HABP2: variants seen among roughly 807,000 people sequenced by gnomAD.
HABP2 encodes factor VII-activating protease.
Under a neutral mutation model 66.5 loss-of-function variants are expected in HABP2, and 65 were observed. That is an observed-to-expected ratio of 0.98 (90% CI 0.80 to 1.20). HABP2 has a LOEUF of 1.20. Among genes scored for constraint, HABP2 ranks in the 50% most tolerant of loss-of-function variants. The probability of loss-of-function intolerance (pLI) is 0.00; values close to 1 mark genes in which losing one functional copy is unlikely to be tolerated. For missense variants in HABP2, 786 were observed against 691.0 expected (o/e 1.14, Z -1.54); for synonymous variants, 263 against 253.9 (o/e 1.04, Z -0.34).
rs1283196780 is a variant in HABP2, at chr10:113,576,144, G to A, written c.331+140G>A. On this transcript the variant is annotated intron_variant, in intron 4 of 12. Transcript: ENST00000351270. ...TCATGCATAGTGTATTCCTCTGCAG[G>A]GTCCCAGGCAGCCTCTCACTGGATC... is the stretch of plus-strand genomic sequence containing the variant. 6.6e-6 allele frequency: 4 copies of A among 609,250 alleles called. No homozygotes were observed. In the Admixed American group the frequency reaches 1.1e-4, roughly 17 times the overall value. The allele number at this position is 609,250 out of a possible 1,614,324, so 37.7% of individuals were successfully genotyped here. A position where few individuals can be genotyped will look rare whatever the true frequency, so the allele number is the denominator to read the frequency against.
intron 10 of HABP2, 118 bp from the exon 11 acceptor site, chr10:113,584,030 A>C: frequency 4.0e-6 from 3 of 749,220 alleles, no homozygotes; most frequent in Non-Finnish European, 6.8e-6. Context: ...GAAGATTTTC[A>C]GGCATGGTGG....
At chr10:113,572,634 T>C (rs1024514445) in intron 2 of HABP2, 3 of 423,616 alleles carry the variant, frequency 7.1e-6, no homozygotes, top group Non-Finnish European at 1.4e-5. Flanking sequence ...ATTTTCTCCC[T>C]CTCTTTCTCT....
chr10:113,577,041 A>G, intron 4 of HABP2, 109 bp from the exon 5 acceptor site: 1 of 722,238 alleles, frequency 1.4e-6, no homozygotes, highest in East Asian at 2.5e-5. Context: ...GACCACGGAC[A>G]AGGCTACAGA....
At position 113,580,576 on chromosome 10, in the gene HABP2, G is replaced by T; in HGVS notation, c.741-19G>T. The stretch of plus-strand genomic sequence containing the variant: ...GTTCATCAAGCCTTGACTCTGAGTT[G>T]TTTTGTTTTGTATTTTAGAAACCCA... On this transcript the variant is annotated intron_variant, in intron 7 of 12. Coordinates refer to ENST00000351270, the MANE Select transcript of HABP2 (RefSeq NM_004132.5). 6 of 1,315,436 alleles carry T rather than the reference G, an allele frequency of 4.6e-6. No individual in the cohort carries two copies. The highest frequency in any genetic ancestry group is 5.5e-6 in the Non-Finnish European group (5 of 907,194). 81.5% of individuals were successfully genotyped at this position (1,315,436 alleles called of 1,614,324 possible). A position where few individuals can be genotyped will look rare whatever the true frequency, so the allele number is the denominator to read the frequency against.
At position 113,585,222 on chromosome 10, in the gene HABP2, T is replaced by C. The variant is rs572177221; in HGVS notation, c.1373-571T>C. ...TTGTCAACCTCTATTCTGCTCAATA[T>C]GGTCTGGTCAGCATGGTGATGTCTC... is the stretch of plus-strand genomic sequence containing the variant. On this transcript the variant is annotated intron_variant, in intron 11 of 12. Transcript: ENST00000351270. Among the ~76,000 whole-genome samples the C allele has an allele frequency of 4.0e-4, 61 of 152,242 alleles. 1 individual carries two copies. Among genetic ancestry groups the C allele is most frequent in the Non-Finnish European group, 5.0e-4 (34 of 68,040 alleles).
intron 1 of HABP2, among the ~76,000 whole-genome samples, chr10:113,566,865 G>A (rs1845206460): frequency 6.6e-6 from 1 of 152,140 alleles, no homozygotes; most frequent in Non-Finnish European, 1.5e-5. Flanking sequence ...CTGAAGCTTA[G>A]TAAAGGGGCA....
intron 4 of HABP2, among the ~76,000 whole-genome samples, chr10:113,576,571 A>T (rs1456081785): frequency 1.3e-5 from 2 of 151,908 alleles, no homozygotes; most frequent in African/African-American, 2.4e-5. Flanking sequence ...CAGGAATAGG[A>T]CTCCTAGGGG....
intron 1 of HABP2, among the ~76,000 whole-genome samples, chr10:113,565,090 C>T (rs4918846): frequency 0.16 from 24,449 of 152,194 alleles, 2,829 homozygotes; most frequent in East Asian, 0.46. Flanking sequence ...GTGATCCACC[C>T]ACCTCGGCCT....
In HABP2 at chr10:113,581,777, T is replaced by G. The variant is rs1222961217; in HGVS notation, c.839-99T>G. The G allele has an allele frequency of 5.7e-6, 7 of 1,230,300 alleles. No homozygotes were observed. In the Admixed American group the frequency reaches 1.2e-4, roughly 21 times the overall value. The allele number at this position is 1,230,300 out of a possible 1,614,324, so 76.2% of individuals were successfully genotyped here. ...GTGCAGTCTCTCAGCTCTGGACCCC[T>G]GCTCAGCTGTTGGGCTCAGAGTCAT... On this transcript the variant is annotated intron_variant, in intron 8 of 12. Coordinates refer to ENST00000351270, the MANE Select transcript of HABP2 (RefSeq NM_004132.5).
chr10:113,570,633 A>C (rs1845289813), intron 2 of HABP2, among the ~76,000 whole-genome samples: 1 of 152,246 alleles, frequency 6.6e-6, no homozygotes, highest in Admixed American at 6.5e-5. Context: ...AGATCGCTAC[A>C]GAGCTCATCA....
chr10:113,568,663 A>G (rs982360478), intron 2 of HABP2, among the ~76,000 whole-genome samples: 1 of 152,134 alleles, frequency 6.6e-6, no homozygotes, highest in Non-Finnish European at 1.5e-5. Flanking sequence ...TGAACACACC[A>G]CCACCCACAC....
At chr10:113,565,873 T>C (rs1412044035) in intron 1 of HABP2, among the ~76,000 whole-genome samples, 2 of 152,224 alleles carry the variant, frequency 1.3e-5, no homozygotes, top group Non-Finnish European at 2.9e-5. Context: ...GCCCTGCAAT[T>C]TGAATCTCAC....
intron 8 of HABP2, among the ~76,000 whole-genome samples, chr10:113,581,187 T>C (rs1379414583): frequency 6.6e-6 from 1 of 152,248 alleles, no homozygotes; most frequent in African/African-American, 2.4e-5. Context: ...TATGTGCCTT[T>C]GATCTTATGG....
chr10:113,555,236 G>A (rs529794505), intron 1 of HABP2, among the ~76,000 whole-genome samples: 6 of 152,330 alleles, frequency 3.9e-5, no homozygotes, highest in African/African-American at 1.2e-4. Context: ...TTACAGAAAC[G>A]AAGCTGGAAA....
chr10:113,577,143 C>T lies in HABP2; in HGVS notation c.332-7C>T, dbSNP rs902348301. The T allele has an allele frequency of 9.3e-6, 14 of 1,509,520 alleles. No individual in the cohort carries two copies. In the African/African-American group the frequency reaches 1.9e-4, roughly 21 times the overall value. The allele number at this position is 1,509,520 out of a possible 1,614,324, so 93.5% of individuals were successfully genotyped here. On this transcript the variant is annotated splice_region_variant and splice_polypyrimidine_tract_variant and intron_variant, in intron 4 of 12. Coordinates refer to ENST00000351270, the MANE Select transcript of HABP2 (RefSeq NM_004132.5). ...AAATAATGTCTTATGTTATGGATCT[C>T]CTACAGTGCAAAATACGTGCAAGGA...
Position 113,582,019 on chromosome 10 carries a change from C to T in HABP2, c.982C>T (p.Gln328Ter), listed in dbSNP as rs761535821. 2.9e-5 allele frequency: 47 copies of T among 1,614,058 alleles called. No homozygotes were observed. The highest frequency in any genetic ancestry group is 3.9e-5 in the Non-Finnish European group (46 of 1,180,034). The change falls in exon 9 of 13, where the codon CAG becomes TAG. Residue 328 changes from glutamine to a stop codon, truncating the protein, a stop_gained. Transcript: ENST00000351270. LOFTEE classifies it high-confidence loss of function. ...GAGCACGGCGGGCAAGCACCCATGGCAGGCGTCCCTCCAGTCCTCGCTGCC... is the reference window on the plus strand; with the variant it reads ...GAGCACGGCGGGCAAGCACCCATGGTAGGCGTCCCTCCAGTCCTCGCTGCC... ...FKSTAGKHPW[Q>*]ASLQSSLPLT...
intron 7 of HABP2, among the ~76,000 whole-genome samples, chr10:113,580,153 G>T (rs1288679769): frequency 7.1e-6 from 1 of 141,696 alleles, no homozygotes; most frequent in East Asian, 2.4e-4. Context: ...CCTTTGTGGA[G>T]CTGTCTTCGG....
intron 11 of HABP2, among the ~76,000 whole-genome samples, chr10:113,585,482 C>T (rs754684341): frequency 6.6e-6 from 1 of 152,166 alleles, no homozygotes; most frequent in Non-Finnish European, 1.5e-5. Context: ...TGTGCCAGCC[C>T]TTTTGTTAGG....
At chr10:113,569,629 C>G (rs1845266971) in intron 2 of HABP2, 2 of 152,452 alleles carry the variant, frequency 1.3e-5, no homozygotes, top group African/African-American at 4.8e-5. Flanking sequence ...ACAGACTCTG[C>G]CAATCTCCCC....
Sources: allele counts gnomAD v4.1 joint callset (sites outside exome capture counted in the v4.1 genomes callset), GRCh38; gene constraint gnomAD v4.1.1; transcripts MANE v1.5; gene names NCBI Gene and HGNC (gene_info 2026-07-23, HGNC 2026-07-21).